The following CCNB2 variants were observed in gnomAD, a reference collection of about 807,000 sequenced individuals.
CCNB2 encodes G2/mitotic-specific cyclin-B2.
A neutral mutation model predicts 51.1 loss-of-function variants in CCNB2; 39 were observed. The observed-to-expected ratio is 0.76, with a 90% CI of 0.59 to 1.00. The LOEUF is 1.00. CCNB2 is among the 50% of genes least tolerant of loss of function. CCNB2 has a pLI of 0.00. For synonymous variants in CCNB2, 174 were observed against 165.5 expected, an observed-to-expected ratio of 1.05 and a Z score of -0.40; for missense variants, 472 against 470.3, an observed-to-expected ratio of 1.00 and a Z score of -0.03.
chr15:59,118,901 G>A (rs2079290364), intron 7 of CCNB2, among the ~76,000 whole-genome samples: 1 of 152,184 alleles, frequency 6.6e-6, no homozygotes, highest in Non-Finnish European at 1.5e-5. Flanking sequence ...AGGGCAGCAT[G>A]GTGGAGCTGT....
Position 59,124,754 on chromosome 15 carries a change from A to G in CCNB2, c.1087-13A>G, listed in dbSNP as rs1187359835. On this transcript the variant is annotated splice_polypyrimidine_tract_variant and intron_variant, in intron 8 of 8. Coordinates refer to ENST00000288207, the MANE Select transcript of CCNB2 (RefSeq NM_004701.4). Reference sequence around the variant, plus strand: ...GTTCCTGACATGTGCTTAATCACAAATGACTTCTGCAGGCCATCAAGAATA... The same window carrying G: ...GTTCCTGACATGTGCTTAATCACAAGTGACTTCTGCAGGCCATCAAGAATA... 2 of 1,596,344 alleles carry G rather than the reference A, an allele frequency of 1.3e-6. No homozygotes were observed. Among genetic ancestry groups the G allele is most frequent in the Admixed American group, 1.7e-5 (1 of 59,984 alleles).
chr15:59,112,154 G>A (rs2079260163), intron 3 of CCNB2, among the ~76,000 whole-genome samples: 1 of 151,448 alleles, frequency 6.6e-6, no homozygotes. Context: ...ACTTGGCCTG[G>A]GTTCTCAAAT....
chr15:59,113,046 A>C (rs1397543947), intron 3 of CCNB2, among the ~76,000 whole-genome samples: 1 of 151,826 alleles, frequency 6.6e-6, no homozygotes, highest in Non-Finnish European at 1.5e-5. Context: ...AAAAAAAAAC[A>C]TTTAAAAAAG....
rs147768935 is a variant in CCNB2 at position 59,120,931 on chromosome 15, A to G, written c.976-2586A>G. On this transcript the variant is annotated intron_variant, in intron 7 of 8. Transcript: ENST00000288207. ...CATGCCGTGTTGTGCAGTAAGATGT[A>G]TACATTATCACCTATTCATGCCCAA... The G allele has an allele frequency of 5.3e-5, 8 of 152,312 alleles. No homozygotes were observed. In the East Asian group the frequency reaches 1.5e-3, roughly 29 times the overall value. 9.4% of individuals were successfully genotyped at this position (152,312 alleles called of 1,614,324 possible).
intron 1 of CCNB2, among the ~76,000 whole-genome samples, chr15:59,106,181 AC>A (rs1484331089): frequency 3.3e-5 from 5 of 152,186 alleles, no homozygotes; most frequent in Non-Finnish European, 7.3e-5. Context: ...CCAGGCTTCT[AC>A]CCATAAGCAT....
Position 59,119,460 on chromosome 15 carries a change from C to CAA in CCNB2, c.975+2108_975+2109dup, listed in dbSNP as rs370628686. The stretch of plus-strand genomic sequence containing the variant: ...GGGCAACAGAGCAAAACCCTGTCTC[C>CAA]AAAAAAAAAAAAAAAAACAAATCTG... On this transcript the variant is annotated intron_variant, in intron 7 of 8. Coordinates refer to ENST00000288207, the MANE Select transcript of CCNB2 (RefSeq NM_004701.4). Among the ~76,000 whole-genome samples, 123 of 83,900 alleles carry CAA rather than the reference C, an allele frequency of 1.5e-3. 2 individuals carry two copies. The highest frequency in any genetic ancestry group is 0.01 in the Middle Eastern group (2 of 194). 55.0% of individuals were successfully genotyped at this position (83,900 alleles called of 152,430 possible).
At chr15:59,107,523 G>A (rs1293360454) in intron 2 of CCNB2, 34 bp from the exon 3 acceptor site, 1 of 1,613,370 alleles carries the variant, frequency 6.2e-7, no homozygotes, top group East Asian at 2.2e-5. Flanking sequence ...AACGCTGGCT[G>A]TCTTGCGCTA....
rs755571015 is a variant in CCNB2 at position 59,107,679 on chromosome 15, T to G, written c.267+9T>G. The G allele has an allele frequency of 1.2e-6, 2 of 1,608,416 alleles. No homozygotes were observed. The highest frequency in any genetic ancestry group is 2.2e-5 in the South Asian group (2 of 90,758). Reference sequence around the variant, plus strand: ...AAAAGTTGGCTCCAAAGGTAGGAAGTTCTGAATTTACAAACGTATTTAATG... The same window carrying G: ...AAAAGTTGGCTCCAAAGGTAGGAAGGTCTGAATTTACAAACGTATTTAATG... On this transcript the variant is annotated intron_variant, in intron 3 of 8. Transcript: ENST00000288207.
chr15:59,121,740 T>C (rs1474920166), intron 7 of CCNB2, among the ~76,000 whole-genome samples: 1 of 152,018 alleles, frequency 6.6e-6, no homozygotes. Flanking sequence ...GAGACCAGCC[T>C]AGCCAACATG....
chr15:59,121,446 G>C (rs1371804717), intron 7 of CCNB2: 1 of 152,174 alleles, frequency 6.6e-6, no homozygotes, highest in Non-Finnish European at 1.5e-5. Context: ...GCTAGAAATT[G>C]TGCATTATTT....
At chr15:59,122,524 CTTTTT>C (rs547047403) in intron 7 of CCNB2, among the ~76,000 whole-genome samples, 2 of 138,530 alleles carry the variant, frequency 1.4e-5, no homozygotes, top group African/African-American at 2.7e-5. Context: ...TGCGCCTGGC[CTTTTT>C]TTTTTTTCTT....
intron 3 of CCNB2, among the ~76,000 whole-genome samples, chr15:59,112,372 T>A (rs1198082489): frequency 2.0e-5 from 3 of 151,250 alleles, no homozygotes; most frequent in Non-Finnish European, 2.9e-5. Flanking sequence ...TGAGACAGAG[T>A]CTCGCTCTGT....
chr15:59,123,938 G>T, intron 8 of CCNB2: 1 of 227,604 alleles, frequency 4.4e-6, no homozygotes, highest in Non-Finnish European at 8.9e-6. Flanking sequence ...CCTGGGGAGG[G>T]CACTTTGCAA....
chr15:59,115,687 T>C (rs1365414146), intron 5 of CCNB2: 1 of 152,228 alleles, frequency 6.6e-6, no homozygotes, highest in Non-Finnish European at 1.5e-5. Flanking sequence ...CATGCATTCC[T>C]CTTTGGGCAG....
intron 7 of CCNB2, among the ~76,000 whole-genome samples, chr15:59,121,963 G>GAAAA (rs2079303991): frequency 4.4e-5 from 5 of 112,938 alleles, no homozygotes; most frequent in African/African-American, 1.6e-4. Context: ...AAAAAAAAAG[G>GAAAA]AGAAATTACC....
At position 59,114,721 on chromosome 15, in the gene CCNB2, T is replaced by C; in HGVS notation, c.442T>C (p.Leu148=). ...AAACTTTTGATTCTACCCACAGGTT[T>C]TGCAGTCCATAAACCCACATTTCTT... ...IYQYLRQLEV[L]QSINPHFLDG... Residue 148 remains leucine (L), a synonymous_variant, in exon 5 of 9, where the codon TTG becomes CTG. Coordinates refer to ENST00000288207, the MANE Select transcript of CCNB2 (RefSeq NM_004701.4). The C allele has an allele frequency of 6.2e-7, 1 of 1,607,316 alleles. No individual in the cohort carries two copies. Among genetic ancestry groups the C allele is most frequent in the East Asian group, 2.2e-5 (1 of 44,686 alleles).
chr15:59,106,581 C>G (rs192512001), intron 1 of CCNB2, among the ~76,000 whole-genome samples: 1 of 152,150 alleles, frequency 6.6e-6, no homozygotes, highest in Non-Finnish European at 1.5e-5. Context: ...CTTTTCCTAG[C>G]AAGTTTTATT....
chr15:59,114,950 A>G, intron 5 of CCNB2, 74 bp downstream of exon 5: 1 of 1,434,206 alleles, frequency 7.0e-7, no homozygotes, highest in Non-Finnish European at 9.5e-7. Flanking sequence ...ATAGAAAACT[A>G]AAGTGGGTAC....
chr15:59,117,609 C>T (rs1472811986), intron 7 of CCNB2, among the ~76,000 whole-genome samples: 2 of 152,174 alleles, frequency 1.3e-5, no homozygotes, highest in African/African-American at 4.8e-5. Context: ...GCAGGGACTA[C>T]AGGCATGCAT....
Sources: allele counts gnomAD v4.1 joint callset (sites outside exome capture counted in the v4.1 genomes callset), GRCh38; gene constraint gnomAD v4.1.1; transcripts MANE v1.5; gene names NCBI Gene and HGNC (gene_info 2026-07-23, HGNC 2026-07-21).